CDH12: variants seen among roughly 807,000 people sequenced by gnomAD.
CDH12 encodes cadherin-12.
Under a neutral mutation model 74.1 loss-of-function variants are expected in CDH12, and 41 were observed. That is an observed-to-expected ratio of 0.55 (90% confidence interval 0.43 to 0.72). The LOEUF is 0.72. Among genes scored for constraint, CDH12 ranks in the 30% least tolerant of loss-of-function variants. The probability of loss-of-function intolerance (pLI) is 0.00; values close to 1 mark genes in which losing one functional copy is unlikely to be tolerated. For missense variants in CDH12, 945 were observed against 977.2 expected (o/e 0.97, Z 0.44); for synonymous variants, 399 against 355.0 (o/e 1.12, Z -1.39).
intron 5 of CDH12, among the ~76,000 whole-genome samples, chr5:22,031,924 C>T (rs1738848029): frequency 7.6e-6 from 1 of 131,226 alleles, no homozygotes. Flanking sequence ...AAACGTGACA[C>T]AAACACACAA....
At chr5:22,233,051 A>G (rs1391995184) in intron 3 of CDH12, among the ~76,000 whole-genome samples, 2 of 151,218 alleles carry the variant, frequency 1.3e-5, no homozygotes, top group Admixed American at 1.3e-4. Context: ...TGATTATTAT[A>G]GCTTTACCTT....
chr5:22,541,387 A>T (rs1199894285), intron 1 of CDH12, among the ~76,000 whole-genome samples: 2 of 152,188 alleles, frequency 1.3e-5, no homozygotes, highest in Non-Finnish European at 2.9e-5. Context: ...TCATGCCTAA[A>T]ATAGACACCA....
intron 3 of CDH12, among the ~76,000 whole-genome samples, chr5:22,240,941 C>T (rs78312775): frequency 0.01 from 1,586 of 151,714 alleles, 30 homozygotes; most frequent in African/African-American, 0.037. Flanking sequence ...AAGTAAAGTA[C>T]AGAGGAAGAG....
intron 1 of CDH12, among the ~76,000 whole-genome samples, chr5:22,736,127 C>T (rs1744707510): frequency 1.3e-5 from 2 of 151,712 alleles, no homozygotes; most frequent in South Asian, 2.1e-4. Flanking sequence ...TCCAAATCAT[C>T]GTTATAGAGA....
At chr5:22,579,128 A>C (rs1022939870) in intron 1 of CDH12, among the ~76,000 whole-genome samples, 1 of 152,172 alleles carries the variant, frequency 6.6e-6, no homozygotes, top group African/African-American at 2.4e-5. Flanking sequence ...AAATACTGGA[A>C]TCTCTAAAGA....
intron 4 of CDH12, among the ~76,000 whole-genome samples, chr5:22,098,929 T>C (rs1026202863): frequency 3.3e-5 from 5 of 152,124 alleles, no homozygotes; most frequent in African/African-American, 4.8e-5. Flanking sequence ...TCCTTTCCAT[T>C]GTAGAAATCT....
At chr5:22,485,487 T>C (rs925483416) in intron 2 of CDH12, among the ~76,000 whole-genome samples, 8 of 152,224 alleles carry the variant, frequency 5.3e-5, no homozygotes, top group Non-Finnish European at 1.2e-4. Context: ...AATTATCCTT[T>C]CTTAAAATAT....
chr5:21,832,915 TATTAATATATATCATATATTATATATA>T lies in CDH12; in HGVS notation c.814+9219_814+9245del, dbSNP rs1403038064. On this transcript the variant is annotated intron_variant, in intron 8 of 14. Transcript: ENST00000382254. ...ATATATCATATAATATATGATATAA[TATTAATATATATCATATATTATATATA>T]ATATCATATTATGTAATATGATATA... Among the ~76,000 whole-genome samples the T allele has an allele frequency of 2.1e-4, 12 of 57,030 alleles. No individual in the cohort carries two copies. In the African/African-American group the frequency reaches 2.2e-3, roughly 10 times the overall value. The allele number at this position is 57,030 out of a possible 152,430, so 37.4% of individuals were successfully genotyped here.
intron 6 of CDH12, among the ~76,000 whole-genome samples, chr5:21,880,521 T>TC (rs1561267855): frequency 6.1e-5 from 8 of 130,478 alleles, no homozygotes; most frequent in Middle Eastern, 4.1e-3. Context: ...CTCCCTCTTT[T>TC]CTTTCTTCCT....
intron 2 of CDH12, among the ~76,000 whole-genome samples, chr5:22,444,627 C>T (rs530774583): frequency 1.1e-4 from 16 of 151,134 alleles, no homozygotes; most frequent in Admixed American, 2.7e-4. Flanking sequence ...TTGAGAAACA[C>T]GACTTGGGTA....
intron 4 of CDH12, among the ~76,000 whole-genome samples, chr5:22,091,411 C>T (rs1334065225): frequency 1.3e-5 from 2 of 150,182 alleles, no homozygotes; most frequent in Admixed American, 1.3e-4. Context: ...AAATTGAATG[C>T]CATTAAAAAT....
intron 5 of CDH12, among the ~76,000 whole-genome samples, chr5:22,062,992 C>T (rs953357126): frequency 6.6e-6 from 1 of 151,980 alleles, no homozygotes; most frequent in Admixed American, 6.6e-5. Flanking sequence ...AAGGAATGAA[C>T]AATTGAACAT....
chr5:22,590,220 G>A (rs928955878), intron 1 of CDH12, among the ~76,000 whole-genome samples: 4 of 152,152 alleles, frequency 2.6e-5, no homozygotes, highest in South Asian at 2.1e-4. Flanking sequence ...AGGCCATCTC[G>A]TTAAATATGC....
intron 6 of CDH12, among the ~76,000 whole-genome samples, chr5:21,901,777 C>A (rs1388125481): frequency 6.6e-6 from 1 of 152,092 alleles, no homozygotes; most frequent in Non-Finnish European, 1.5e-5. Flanking sequence ...CTGATCCAGG[C>A]TTGACAAACA....
chr5:22,743,016 C>T (rs933268526), intron 1 of CDH12, among the ~76,000 whole-genome samples: 2 of 151,222 alleles, frequency 1.3e-5, no homozygotes, highest in African/African-American at 4.8e-5. Context: ...AACCAAAAGG[C>T]TAACCCTCCC....
intron 1 of CDH12, among the ~76,000 whole-genome samples, chr5:22,608,806 T>C (rs1737247977): frequency 6.6e-6 from 1 of 152,138 alleles, no homozygotes; most frequent in South Asian, 2.1e-4. Context: ...TCAGCACTCA[T>C]TTTCTCTCCT....
intron 4 of CDH12, among the ~76,000 whole-genome samples, chr5:22,099,369 A>G (rs1218526559): frequency 6.6e-6 from 1 of 152,188 alleles, no homozygotes; most frequent in African/African-American, 2.4e-5. Flanking sequence ...ATGATCTTTT[A>G]AAAACACATC....
chr5:21,868,056 T>C (rs1305618179), intron 6 of CDH12, among the ~76,000 whole-genome samples: 1 of 152,196 alleles, frequency 6.6e-6, no homozygotes, highest in Non-Finnish European at 1.5e-5. Flanking sequence ...CACTTGGTTC[T>C]CACTCTTGTC....
At chr5:22,530,864 C>T (rs1398673398) in intron 1 of CDH12, among the ~76,000 whole-genome samples, 1 of 151,834 alleles carries the variant, frequency 6.6e-6, no homozygotes, top group Non-Finnish European at 1.5e-5. Context: ...TCAATCTAAC[C>T]TAGATTTTTT....
Sources: allele counts gnomAD v4.1 joint callset (sites outside exome capture counted in the v4.1 genomes callset), GRCh38; gene constraint gnomAD v4.1.1; transcripts MANE v1.5; gene names NCBI Gene and HGNC (gene_info 2026-07-23, HGNC 2026-07-21).